The following DLGAP2 variants were observed in gnomAD, a reference collection of about 807,000 sequenced individuals.
DLGAP2 encodes disks large-associated protein 2.
Under a neutral mutation model 100.3 loss-of-function variants are expected in DLGAP2, and 26 were observed. The observed-to-expected ratio is 0.26, with a 90% CI of 0.19 to 0.36. The LOEUF (loss-of-function observed/expected upper bound fraction) is 0.36, where lower values mean the gene tolerates loss of function less well. Ranked by LOEUF, DLGAP2 falls within the 10% of genes least tolerant of loss-of-function variation. DLGAP2 has a pLI of 1.00. For missense variants in DLGAP2, 1,858 were observed against 1,453.2 expected, an observed-to-expected ratio of 1.28 and a Z score of -4.53; for synonymous variants, 886 against 630.1, an observed-to-expected ratio of 1.41 and a Z score of -6.08.
intron 1 of DLGAP2, among the ~76,000 whole-genome samples, chr8:836,635 G>A (rs1234306342): frequency 6.6e-6 from 1 of 152,172 alleles, no homozygotes; most frequent in East Asian, 1.9e-4. Flanking sequence ...GGTGGGGTTG[G>A]GGTGCTCCTA....
rs957137553 is a variant in DLGAP2 at position 1,670,192 on chromosome 8, A to G, written c.2202+408A>G. On this transcript the variant is annotated intron_variant, in intron 10 of 14. Transcript: ENST00000637795. ...CAGGATATCCACCCAGCCACGACTG[A>G]GGCAGTGCCAACTTCTAAGCACGTG... Among the ~76,000 whole-genome samples, 31 of 152,150 alleles carry G rather than the reference A, an allele frequency of 2.0e-4. 1 individual carries two copies. The highest frequency in any genetic ancestry group is 7.2e-4 in the African/African-American group (30 of 41,434).
At chr8:1,431,649 C>T (rs893124516) in intron 3 of DLGAP2, among the ~76,000 whole-genome samples, 7 of 143,734 alleles carry the variant, frequency 4.9e-5, no homozygotes, top group African/African-American at 1.2e-4. Flanking sequence ...GTGATGAGAC[C>T]GGGGCTTGTC....
At chr8:1,116,285 C>T (rs897842098) in intron 2 of DLGAP2, among the ~76,000 whole-genome samples, 6 of 152,258 alleles carry the variant, frequency 3.9e-5, no homozygotes, top group South Asian at 2.1e-4. Context: ...TAAGGGTTAC[C>T]GACCACCCTC....
chr8:916,497 A>T (rs1295887715), intron 2 of DLGAP2, among the ~76,000 whole-genome samples: 1 of 152,188 alleles, frequency 6.6e-6, no homozygotes, highest in Non-Finnish European at 1.5e-5. Flanking sequence ...GGACACAGGA[A>T]GGGGAACATC....
At chr8:1,098,679 G>GCCCACGGGCGCCGCCA in intron 2 of DLGAP2, among the ~76,000 whole-genome samples, 1 of 129,188 alleles carries the variant, frequency 7.7e-6, no homozygotes, top group Non-Finnish European at 1.7e-5. Flanking sequence ...GCTCCCGGCC[G>GCCCACGGGCGCCGCCA]CCCACGGGCG....
chr8:1,438,794 G>T (rs1797734270), intron 3 of DLGAP2, among the ~76,000 whole-genome samples: 1 of 152,162 alleles, frequency 6.6e-6, no homozygotes, highest in Admixed American at 6.5e-5. Context: ...ATATGTTGCT[G>T]GTTGCTATGG....
chr8:831,785 G>T (rs1796789111), intron 1 of DLGAP2, among the ~76,000 whole-genome samples: 1 of 152,094 alleles, frequency 6.6e-6, no homozygotes, highest in Admixed American at 6.6e-5. Flanking sequence ...CTTAGGAATG[G>T]CCACACTGTC....
At chr8:908,821 G>A (rs572130980) in intron 2 of DLGAP2, among the ~76,000 whole-genome samples, 1 of 152,188 alleles carries the variant, frequency 6.6e-6, no homozygotes, top group Non-Finnish European at 1.5e-5. Context: ...TGTGTCCCAG[G>A]ATGTTTTAGT....
intron 6 of DLGAP2, among the ~76,000 whole-genome samples, chr8:1,583,477 C>A (rs746748880): frequency 6.6e-6 from 1 of 152,186 alleles, no homozygotes; most frequent in Non-Finnish European, 1.5e-5. Context: ...GGCTGTGCCT[C>A]CGTAGGCAGG....
intron 2 of DLGAP2, among the ~76,000 whole-genome samples, chr8:1,058,828 G>A (rs967006334): frequency 6.6e-6 from 1 of 152,234 alleles, no homozygotes; most frequent in South Asian, 2.1e-4. Flanking sequence ...ACACCTTGTG[G>A]TGTGACTTCA....
chr8:1,641,685 T>C (rs918474370), intron 8 of DLGAP2, among the ~76,000 whole-genome samples: 1 of 152,086 alleles, frequency 6.6e-6, no homozygotes, highest in Non-Finnish European at 1.5e-5. Flanking sequence ...CACATTGTTG[T>C]CCTAAGAGTA....
rs528043895 is a variant in DLGAP2 at position 1,601,569 on chromosome 8, C to T, written c.1443-25171C>T. On this transcript the variant is annotated intron_variant, in intron 6 of 14. Transcript: ENST00000637795. ...CTGCCTTTCTTTCAGAGATGCCCTG[C>T]CCAGAGAGCAGTTTTACAGGCTTTT... Among the ~76,000 whole-genome samples the T allele has an allele frequency of 8.4e-4, 128 of 151,682 alleles. 2 individuals are homozygous for T. In the South Asian group the frequency reaches 0.01, roughly 12 times the overall value.
intron 2 of DLGAP2, among the ~76,000 whole-genome samples, chr8:1,190,380 G>A (rs940986338): frequency 2.0e-5 from 3 of 152,090 alleles, no homozygotes; most frequent in Non-Finnish European, 2.9e-5. Context: ...TGTGCTTGGA[G>A]TGGCGAGAGT....
At chr8:949,945 T>C (rs571621319) in intron 2 of DLGAP2, among the ~76,000 whole-genome samples, 5 of 152,268 alleles carry the variant, frequency 3.3e-5, no homozygotes, top group East Asian at 1.9e-4. Flanking sequence ...AAGATACTTA[T>C]CTGGGCCCAG....
At chr8:748,727 C>T (rs1820715604) in intron 1 of DLGAP2, among the ~76,000 whole-genome samples, 1 of 152,216 alleles carries the variant, frequency 6.6e-6, no homozygotes, top group Admixed American at 6.5e-5. Flanking sequence ...CCATCAGCAC[C>T]TGCCCGCTCC....
chr8:980,456 G>T (rs1317443782), intron 2 of DLGAP2, among the ~76,000 whole-genome samples: 2 of 152,216 alleles, frequency 1.3e-5, no homozygotes, highest in East Asian at 3.9e-4. Flanking sequence ...ATTGAGCCAA[G>T]TTTCCATTTC....
At chr8:1,011,366 G>T (rs529876783) in intron 2 of DLGAP2, among the ~76,000 whole-genome samples, 1 of 143,640 alleles carries the variant, frequency 7.0e-6, no homozygotes, top group African/African-American at 2.6e-5. Flanking sequence ...TGGAATGAGG[G>T]GTCTCAGTCT....
chr8:1,151,789 A>G (rs1796702872), intron 2 of DLGAP2, among the ~76,000 whole-genome samples: 1 of 151,100 alleles, frequency 6.6e-6, no homozygotes, highest in Admixed American at 6.6e-5. Context: ...TACACGAACT[A>G]CTCTTTGTAC....
chr8:1,468,783 G>C (rs1316993893), intron 3 of DLGAP2, among the ~76,000 whole-genome samples: 1 of 152,068 alleles, frequency 6.6e-6, no homozygotes, highest in East Asian at 1.9e-4. Context: ...CACTCCCACT[G>C]CAGGCTCTGA....
Sources: allele counts gnomAD v4.1 joint callset (sites outside exome capture counted in the v4.1 genomes callset), GRCh38; gene constraint gnomAD v4.1.1; transcripts MANE v1.5; gene names NCBI Gene and HGNC (gene_info 2026-07-23, HGNC 2026-07-21).